The following CSMD1 variants were observed in gnomAD, a reference collection of about 807,000 sequenced individuals.
CSMD1 encodes the protein CUB and Sushi multiple domains 1, also known as CUB and sushi domain-containing protein 1.
Under a neutral mutation model 417.5 loss-of-function variants are expected in CSMD1, and 213 were observed. That is an observed-to-expected ratio of 0.51 (90% CI 0.46 to 0.57). The LOEUF is 0.57. Among genes scored for constraint, CSMD1 ranks in the 20% least tolerant of loss-of-function variants. The pLI, the probability that CSMD1 is intolerant of heterozygous loss-of-function variation, is 0.00. For synonymous variants in CSMD1, 2,862 were observed against 1,736.8 expected (o/e 1.65, Z -16.11); for missense variants, 6,923 against 4,529.7 (o/e 1.53, Z -15.17).
intron 5 of CSMD1, among the ~76,000 whole-genome samples, chr8:3,982,732 A>T (rs1192119689): frequency 6.6e-6 from 1 of 152,116 alleles, no homozygotes; most frequent in Non-Finnish European, 1.5e-5. Flanking sequence ...CGGCATCTGT[A>T]GGAGGCTTAA....
chr8:4,506,479 C>A (rs999256931), intron 2 of CSMD1, among the ~76,000 whole-genome samples: 1 of 152,110 alleles, frequency 6.6e-6, no homozygotes, highest in African/African-American at 2.4e-5. Context: ...GATCTGCAGC[C>A]CCTCTTCATT....
chr8:2,937,246 A>C lies in CSMD1; in HGVS notation c.*1339T>G. 6.6e-6 allele frequency: 1 copy of C among 152,290 alleles called. No homozygotes were observed. The highest frequency in any genetic ancestry group is 2.4e-5 in the African/African-American group (1 of 41,552). The allele number at this position is 152,290 out of a possible 1,614,324, so 9.4% of individuals were successfully genotyped here. ...TGAAATTACCTTTCCATCTGGAATC[A>C]TAAAGCATGAAACAAATAACAAATG... On this transcript the variant is annotated 3_prime_UTR_variant, in exon 70 of 70. Transcript: ENST00000635120.
intron 21 of CSMD1, among the ~76,000 whole-genome samples, chr8:3,350,111 ATG>A (rs534536015): frequency 1.6e-5 from 2 of 128,696 alleles, no homozygotes; most frequent in African/African-American, 3.0e-5. Context: ...TAACTTGTGT[ATG>A]TGTGTGTTAC....
rs1192369976 is a variant in CSMD1, at chr8:3,273,917, CT to C, written c.4153+10226del. Among the ~76,000 whole-genome samples, 5 of 151,982 alleles carry C rather than the reference CT, an allele frequency of 3.3e-5. No individual in the cohort carries two copies. The South Asian group carries it at 8.3e-4, about 25-fold the overall frequency. On this transcript the variant is annotated intron_variant, in intron 26 of 69. Coordinates refer to ENST00000635120, the MANE Select transcript of CSMD1 (RefSeq NM_033225.6). Reference sequence around the variant, plus strand: ...TAATTTTTTGAAGGGTTTTTTGTGTCTCTATTTCCTTCAGTTCTACTCTGAT... The same window carrying C: ...TAATTTTTTGAAGGGTTTTTTGTGTCCTATTTCCTTCAGTTCTACTCTGAT...
intron 3 of CSMD1, among the ~76,000 whole-genome samples, chr8:4,066,948 A>G (rs1799283545): frequency 6.6e-6 from 1 of 152,214 alleles, no homozygotes; most frequent in African/African-American, 2.4e-5. Context: ...TTGTGTAAAT[A>G]CCCTCAGGGT....
chr8:3,121,767 C>T (rs903982525), intron 41 of CSMD1, among the ~76,000 whole-genome samples: 2 of 152,058 alleles, frequency 1.3e-5, no homozygotes, highest in Non-Finnish European at 2.9e-5. Context: ...CCACTGCACT[C>T]CAGCCTGGGT....
intron 1 of CSMD1, among the ~76,000 whole-genome samples, chr8:4,913,530 C>T (rs376991105): frequency 1.1e-4 from 16 of 152,224 alleles, no homozygotes; most frequent in Middle Eastern, 6.8e-3. Context: ...AGAAGCCCTG[C>T]CCTCAAAGAG....
intron 23 of CSMD1, among the ~76,000 whole-genome samples, chr8:3,310,517 A>T (rs563830731): frequency 6.6e-6 from 1 of 152,190 alleles, no homozygotes; most frequent in Non-Finnish European, 1.5e-5. Context: ...ATCTTCCAAA[A>T]TCTTGCGCTA....
At chr8:4,441,410 G>A (rs2129691531) in intron 2 of CSMD1, among the ~76,000 whole-genome samples, 1 of 151,692 alleles carries the variant, frequency 6.6e-6, no homozygotes, top group Middle Eastern at 3.4e-3. Flanking sequence ...AACTCACCCA[G>A]CCCCAGAAGT....
intron 3 of CSMD1, among the ~76,000 whole-genome samples, chr8:4,069,141 T>C (rs1040155880): frequency 2.0e-5 from 3 of 152,210 alleles, no homozygotes; most frequent in African/African-American, 4.8e-5. Flanking sequence ...ATATTGTTCA[T>C]AGGAGACTGG....
chr8:2,973,564 G>T (rs1180948144), intron 56 of CSMD1, among the ~76,000 whole-genome samples: 3 of 151,994 alleles, frequency 2.0e-5, no homozygotes, highest in African/African-American at 7.2e-5. Context: ...TCCTTTGGAA[G>T]GAGGAAAATG....
intron 7 of CSMD1, among the ~76,000 whole-genome samples, chr8:3,702,471 G>A (rs1000181831): frequency 2.6e-5 from 4 of 152,146 alleles, no homozygotes; most frequent in Non-Finnish European, 4.4e-5. Context: ...TGCTAAAACT[G>A]GTTTCTGCCA....
intron 41 of CSMD1, among the ~76,000 whole-genome samples, chr8:3,124,395 T>G (rs1271348554): frequency 6.6e-6 from 1 of 152,182 alleles, no homozygotes; most frequent in African/African-American, 2.4e-5. Context: ...ATATAAAACC[T>G]GGTTAAGGTT....
intron 5 of CSMD1, among the ~76,000 whole-genome samples, chr8:3,810,186 T>C (rs945007620): frequency 6.6e-6 from 1 of 152,196 alleles, no homozygotes; most frequent in Non-Finnish European, 1.5e-5. Flanking sequence ...GCTCCATACA[T>C]GTCCAATGAG....
At chr8:4,196,852 G>A (rs1381530407) in intron 3 of CSMD1, among the ~76,000 whole-genome samples, 2 of 152,084 alleles carry the variant, frequency 1.3e-5, no homozygotes, top group Non-Finnish European at 1.5e-5. Context: ...GCCTGCACAT[G>A]CCTTCATAGA....
intron 3 of CSMD1, among the ~76,000 whole-genome samples, chr8:4,263,158 G>A (rs1222194566): frequency 6.6e-6 from 1 of 152,014 alleles, no homozygotes; most frequent in African/African-American, 2.4e-5. Context: ...TTACGTAAAA[G>A]CAATGTTCTG....
intron 5 of CSMD1, among the ~76,000 whole-genome samples, chr8:3,837,738 C>A (rs1331203014): frequency 6.6e-6 from 1 of 152,078 alleles, no homozygotes; most frequent in African/African-American, 2.4e-5. Context: ...TCCTTAAAAT[C>A]CTCCTGGCTC....
At chr8:4,569,466 T>C (rs564748014) in intron 2 of CSMD1, among the ~76,000 whole-genome samples, 21 of 152,286 alleles carry the variant, frequency 1.4e-4, no homozygotes, top group African/African-American at 5.1e-4. Context: ...ATGTGTGGTG[T>C]TATTTCTGAG....
At chr8:4,217,453 C>A (rs1800752311) in intron 3 of CSMD1, among the ~76,000 whole-genome samples, 1 of 152,064 alleles carries the variant, frequency 6.6e-6, no homozygotes, top group Non-Finnish European at 1.5e-5. Context: ...TATACCATAG[C>A]TATACACAGT....
Sources: allele counts gnomAD v4.1 joint callset (sites outside exome capture counted in the v4.1 genomes callset), GRCh38; gene constraint gnomAD v4.1.1; transcripts MANE v1.5; gene names NCBI Gene and HGNC (gene_info 2026-07-23, HGNC 2026-07-21).